The following MAPKAPK5 variants were observed in gnomAD, a reference collection of about 807,000 sequenced individuals.
The protein encoded by MAPKAPK5 is MAP kinase-activated protein kinase 5.
MAPKAPK5 carries 30 observed loss-of-function variants against 65.1 expected under a neutral mutation model. The observed-to-expected ratio is 0.46, with a 90% CI of 0.34 to 0.63. The LOEUF (loss-of-function observed/expected upper bound fraction) is 0.63. Ranked by LOEUF, MAPKAPK5 falls within the 20% of genes least tolerant of loss-of-function variation. The pLI is 0.01. For missense variants in MAPKAPK5, 433 were observed against 581.4 expected (o/e 0.74, Z 2.63); for synonymous variants, 179 against 204.6 (o/e 0.87, Z 1.07).
intron 1 of MAPKAPK5, among the ~76,000 whole-genome samples, chr12:111,863,877 T>C (rs542841600): frequency 6.6e-6 from 1 of 152,126 alleles, no homozygotes; most frequent in African/African-American, 2.4e-5. Context: ...AGTGCTGGGA[T>C]TACAGGCATG....
chr12:111,856,125 G>C (rs1180018623), intron 1 of MAPKAPK5, among the ~76,000 whole-genome samples: 1 of 152,004 alleles, frequency 6.6e-6, no homozygotes, highest in African/African-American at 2.4e-5. Context: ...AAAGTGCTGG[G>C]ATTACAGGCG....
At chr12:111,860,873 C>A (rs1275603257) in intron 1 of MAPKAPK5, among the ~76,000 whole-genome samples, 2 of 151,646 alleles carry the variant, frequency 1.3e-5, no homozygotes, top group Non-Finnish European at 2.9e-5. Flanking sequence ...AATCCCAGCA[C>A]AGGCATGGAA....
chr12:111,859,497 C>G lies in MAPKAPK5; in HGVS notation c.37-5753C>G, dbSNP rs184038665. 1.8e-4 allele frequency among the ~76,000 whole-genome samples: 27 copies of G among 152,258 alleles called. 1 individual carries two copies. Among genetic ancestry groups the G allele is most frequent in the African/African-American group, 5.8e-4 (24 of 41,560 alleles). ...TTTCAAGCTGGTCTCAAACTCTTGA[C>G]CTCGTGATCCTCCTGCCTTGGCCTC... On this transcript the variant is annotated intron_variant, in intron 1 of 13. Coordinates refer to ENST00000550735, the MANE Select transcript of MAPKAPK5 (RefSeq NM_003668.4).
intron 7 of MAPKAPK5, among the ~76,000 whole-genome samples, chr12:111,874,663 A>G (rs1451327229): frequency 6.8e-6 from 1 of 146,918 alleles, no homozygotes; most frequent in South Asian, 2.2e-4. Flanking sequence ...GGGTTTCACC[A>G]TGTTGGCCAG....
intron 1 of MAPKAPK5, among the ~76,000 whole-genome samples, chr12:111,858,390 A>G (rs1015235034): frequency 2.0e-5 from 3 of 152,156 alleles, no homozygotes. Flanking sequence ...TGGCTCTCCC[A>G]TTACACATAT....
chr12:111,843,015 T>C (rs780361699), intron 1 of MAPKAPK5: 46 of 400,708 alleles, frequency 1.1e-4, no homozygotes, highest in Middle Eastern at 1.2e-3. Flanking sequence ...GGAACAGAGG[T>C]GAGTGGCCTG....
rs1397688046 is a variant in MAPKAPK5 at position 111,901,437 on chromosome 12, T to G, written c.*8376T>G. ...AGGTGAAAATCACAATATGACTCATTCCAGACGTGAAGAACATGCTGTAGA... is the reference window on the plus strand; with the variant it reads ...AGGTGAAAATCACAATATGACTCATGCCAGACGTGAAGAACATGCTGTAGA... On this transcript the variant is annotated 3_prime_UTR_variant, in exon 14 of 14. Coordinates refer to ENST00000550735, the MANE Select transcript of MAPKAPK5 (RefSeq NM_003668.4). The G allele has an allele frequency of 2.2e-6, 1 of 456,020 alleles. No individual in the cohort carries two copies. The highest frequency in any genetic ancestry group is 4.4e-6 in the Non-Finnish European group (1 of 226,788). The allele number at this position is 456,020 out of a possible 1,614,324, so 28.2% of individuals were successfully genotyped here.
chr12:111,872,392 A>G (rs759140507), intron 7 of MAPKAPK5, among the ~76,000 whole-genome samples: 1 of 152,016 alleles, frequency 6.6e-6, no homozygotes, highest in Non-Finnish European at 1.5e-5. Flanking sequence ...CTTTTTGTAC[A>G]TGTGTATTGG....
At chr12:111,888,361 T>C in intron 10 of MAPKAPK5, 127 bp from the exon 11 acceptor site, 1 of 1,328,642 alleles carries the variant, frequency 7.5e-7, no homozygotes, top group Non-Finnish European at 1.0e-6. Flanking sequence ...AAAATATTTA[T>C]ATTCCTTCAG....
chr12:111,901,882 T>C lies in MAPKAPK5; in HGVS notation c.*8821T>C, dbSNP rs973419816. The C allele has an allele frequency of 1.3e-5, 2 of 154,610 alleles. No individual in the cohort carries two copies. Among genetic ancestry groups the C allele is most frequent in the Non-Finnish European group, 2.9e-5 (2 of 69,756 alleles). 9.6% of individuals were successfully genotyped at this position (154,610 alleles called of 1,614,324 possible). On this transcript the variant is annotated 3_prime_UTR_variant, in exon 14 of 14. Transcript: ENST00000550735. The stretch of plus-strand genomic sequence containing the variant: ...ATTTTGGTAATTAAATTTACATTAA[T>C]TTAATATGTTAAATATTTTAGTACC...
chr12:111,880,638 C>A, intron 8 of MAPKAPK5, 111 bp downstream of exon 8: 1 of 878,690 alleles, frequency 1.1e-6, no homozygotes, highest in Non-Finnish European at 1.8e-6. Flanking sequence ...CCTTAATATT[C>A]CTGCCCCAAA....
rs1364077369 is a variant in MAPKAPK5, at chr12:111,885,165, A to G, written c.849-751A>G. ...AATCCTTTCTTTAGAATCTGAAGCC[A>G]TCTGTTCAGAATGATCCAGAAGAAG... On this transcript the variant is annotated intron_variant, in intron 9 of 13. Transcript: ENST00000550735. 2.6e-5 allele frequency among the ~76,000 whole-genome samples: 4 copies of G among 152,322 alleles called. No homozygotes were observed. In the East Asian group the frequency reaches 5.8e-4, roughly 22 times the overall value.
At chr12:111,890,247 G>C in intron 13 of MAPKAPK5, 103 bp downstream of exon 13, 2 of 833,636 alleles carry the variant, frequency 2.4e-6, no homozygotes, top group South Asian at 3.1e-5. Flanking sequence ...GTTTTGAAGT[G>C]AAGTGAGGCT....
At chr12:111,881,242 T>G (rs2070199909) in intron 8 of MAPKAPK5, among the ~76,000 whole-genome samples, 2 of 150,880 alleles carry the variant, frequency 1.3e-5, no homozygotes, top group South Asian at 4.2e-4. Context: ...CTCAGCTAAT[T>G]TTTGTATTTT....
At chr12:111,865,059 G>A (rs1037210003) in intron 1 of MAPKAPK5, among the ~76,000 whole-genome samples, 191 bp from the exon 2 acceptor site, 1 of 152,134 alleles carries the variant, frequency 6.6e-6, no homozygotes, top group East Asian at 1.9e-4. Flanking sequence ...TGGAAAATTG[G>A]GAAACAATGT....
Position 111,900,800 on chromosome 12 carries a change from C to A in MAPKAPK5, c.*7739C>A. 2.2e-6 allele frequency: 1 copy of A among 456,104 alleles called. No individual in the cohort carries two copies. The highest frequency in any genetic ancestry group is 1.5e-5 in the South Asian group (1 of 64,566). The allele number at this position is 456,104 out of a possible 1,614,324, so 28.3% of individuals were successfully genotyped here. A position where few individuals can be genotyped will look rare whatever the true frequency, so the allele number is the denominator to read the frequency against. On this transcript the variant is annotated 3_prime_UTR_variant, in exon 14 of 14. Transcript: ENST00000550735. ...ATGGTACATCTGCATTATGCCCCAA[C>A]AACAGGCATAAGCAAGATGGCTCAA...
At chr12:111,885,679 A>G in intron 9 of MAPKAPK5, 1 of 488,790 alleles carries the variant, frequency 2.0e-6, no homozygotes, top group Non-Finnish European at 3.6e-6. Context: ...GTATCACTGG[A>G]TTAAGCCCTT....
At chr12:111,868,708 C>CTTTTTTT (rs75586211) in intron 4 of MAPKAPK5, 45 bp from the exon 5 acceptor site, 1 of 1,137,156 alleles carries the variant, frequency 8.8e-7, no homozygotes, top group Non-Finnish European at 1.2e-6. Flanking sequence ...GTTTCTTTTT[C>CTTTTTTT]TTTTTTTTTT....
Position 111,849,237 on chromosome 12 carries a change from GTTCTTTTTTTTTTCT to G in MAPKAPK5, c.36+6482_36+6496del, listed in dbSNP as rs2068995443. 3.3e-5 allele frequency among the ~76,000 whole-genome samples: 5 copies of G among 150,732 alleles called. 1 individual carries two copies. The highest frequency in any genetic ancestry group is 1.2e-4 in the African/African-American group (5 of 41,210). ...CTAGGATTACTGCACCTGGCCAAGA[GTTCTTTTTTTTTTCT>G]TTCTTTTTTTTTTTTCTGAGACAAA... On this transcript the variant is annotated intron_variant, in intron 1 of 13. Transcript: ENST00000550735.
Sources: allele counts gnomAD v4.1 joint callset (sites outside exome capture counted in the v4.1 genomes callset), GRCh38; gene constraint gnomAD v4.1.1; transcripts MANE v1.5; gene names NCBI Gene and HGNC (gene_info 2026-07-23, HGNC 2026-07-21).